MALRD1: variants seen among roughly 807,000 people sequenced by gnomAD.
MALRD1 encodes MAM and LDL-receptor class A domain-containing protein 1.
Under a neutral mutation model 242.1 loss-of-function variants are expected in MALRD1, and 247 were observed. That is an observed-to-expected ratio of 1.02 (90% CI 0.92 to 1.13). The LOEUF (loss-of-function observed/expected upper bound fraction) is 1.13, where lower values mean the gene tolerates loss of function less well. Among genes scored for constraint, MALRD1 ranks in the 50% most tolerant of loss-of-function variants. MALRD1 has a pLI of 0.00. For synonymous variants in MALRD1, 995 were observed against 866.6 expected (o/e 1.15, Z -2.60); for missense variants, 2,989 against 2,533.1 (o/e 1.18, Z -3.86).
At chr10:19,050,263 A>G (rs914393585) in intron 1 of MALRD1, among the ~76,000 whole-genome samples, 8 of 149,136 alleles carry the variant, frequency 5.4e-5, no homozygotes, top group African/African-American at 2.0e-4. Flanking sequence ...AATTTTTTGT[A>G]TTTTTAGTAG....
At chr10:19,158,424 C>T (rs1834258506) in intron 12 of MALRD1, among the ~76,000 whole-genome samples, 1 of 152,050 alleles carries the variant, frequency 6.6e-6, no homozygotes, top group South Asian at 2.1e-4. Flanking sequence ...AAGGTCAGGA[C>T]AAAGGTAGTT....
At chr10:19,583,665 G>T (rs1837242488) in intron 33 of MALRD1, among the ~76,000 whole-genome samples, 1 of 152,106 alleles carries the variant, frequency 6.6e-6, no homozygotes, top group Admixed American at 6.5e-5. Flanking sequence ...TGTTCATCAA[G>T]GGTATTGGTC....
intron 36 of MALRD1, among the ~76,000 whole-genome samples, chr10:19,678,260 A>G (rs1842218045): frequency 6.6e-6 from 1 of 152,170 alleles, no homozygotes; most frequent in South Asian, 2.1e-4. Flanking sequence ...TACTTTGCGC[A>G]GTATGGCCAT....
chr10:19,210,158 G>A (rs1836985121), intron 18 of MALRD1, among the ~76,000 whole-genome samples: 1 of 152,144 alleles, frequency 6.6e-6, no homozygotes, highest in East Asian at 1.9e-4. Context: ...TTACTCCTGG[G>A]GGAATATTCT....
intron 18 of MALRD1, among the ~76,000 whole-genome samples, chr10:19,227,878 A>G (rs11009019): frequency 6.6e-6 from 1 of 151,968 alleles, no homozygotes; most frequent in Non-Finnish European, 1.5e-5. Context: ...TTGACATTAC[A>G]TGTCATCAGG....
intron 7 of MALRD1, among the ~76,000 whole-genome samples, chr10:19,127,512 C>T (rs988095787): frequency 5.3e-5 from 8 of 152,078 alleles, no homozygotes; most frequent in East Asian, 1.9e-4. Flanking sequence ...ACATCAGAGA[C>T]GTGCAGCAGT....
In MALRD1 at chr10:19,444,263, A is replaced by G. The variant is rs187269913; in HGVS notation, c.4846-6044A>G. Among the ~76,000 whole-genome samples, 1,013 of 152,102 alleles carry G rather than the reference A, an allele frequency of 6.7e-3. 14 individuals carry two copies. The highest frequency in any genetic ancestry group is 0.024 in the Admixed American group (368 of 15,280). On this transcript the variant is annotated intron_variant, in intron 28 of 39. Coordinates refer to ENST00000454679, the MANE Select transcript of MALRD1 (RefSeq NM_001142308.3). ...CTGATGGGTCTTGACTCTTTATCCA[A>G]TTTGCCAGTCTGTGTCTTTTAATTG...
intron 28 of MALRD1, among the ~76,000 whole-genome samples, chr10:19,429,375 G>T (rs1049533668): frequency 6.6e-6 from 1 of 152,046 alleles, no homozygotes; most frequent in African/African-American, 2.4e-5. Flanking sequence ...TTTAAGACCA[G>T]CCTGGTGGTG....
intron 38 of MALRD1, among the ~76,000 whole-genome samples, chr10:19,724,611 G>C (rs151205480): frequency 6.6e-6 from 1 of 152,200 alleles, no homozygotes; most frequent in African/African-American, 2.4e-5. Context: ...CCCTGAAACT[G>C]TCCAACATTG....
intron 36 of MALRD1, among the ~76,000 whole-genome samples, chr10:19,658,494 C>A (rs1841278387): frequency 6.6e-6 from 1 of 151,152 alleles, no homozygotes; most frequent in African/African-American, 2.4e-5. Context: ...GAAAACACAC[C>A]ACACACACAC....
At chr10:19,314,188 C>T (rs991512149) in intron 21 of MALRD1, among the ~76,000 whole-genome samples, 1 of 151,470 alleles carries the variant, frequency 6.6e-6, no homozygotes, top group African/African-American at 2.4e-5. Context: ...GTATGTATAA[C>T]TTATAACTTA....
intron 11 of MALRD1, among the ~76,000 whole-genome samples, chr10:19,149,077 C>CATCTATCTATCTATCTATCTATCT (rs10657245): frequency 2.1e-5 from 3 of 143,920 alleles, no homozygotes; most frequent in Non-Finnish European, 4.5e-5. Flanking sequence ...TCTATCTGTC[C>CATCTATCTATCTATCTATCTATCT]ATCTATCTAT....
chr10:19,587,150 C>T (rs937054932), intron 33 of MALRD1, among the ~76,000 whole-genome samples: 16 of 152,300 alleles, frequency 1.1e-4, no homozygotes, highest in South Asian at 4.1e-4. Flanking sequence ...GAGATGAACC[C>T]GGTACCTCAG....
At chr10:19,301,505 A>G (rs998702922) in intron 21 of MALRD1, among the ~76,000 whole-genome samples, 33 of 151,928 alleles carry the variant, frequency 2.2e-4, no homozygotes, top group African/African-American at 8.0e-4. Context: ...AAATGTACAT[A>G]TATACAGCAT....
At position 19,133,964 on chromosome 10, in the gene MALRD1, A is replaced by T. The variant is rs1167310243; in HGVS notation, c.1203+16A>T. 4 of 1,193,644 alleles carry T rather than the reference A, an allele frequency of 3.4e-6. No homozygotes were observed. The highest frequency in any genetic ancestry group is 4.2e-5 in the Admixed American group (1 of 23,654). The allele number at this position is 1,193,644 out of a possible 1,614,324, so 73.9% of individuals were successfully genotyped here. On this transcript the variant is annotated intron_variant, in intron 9 of 39. Coordinates refer to ENST00000454679, the MANE Select transcript of MALRD1 (RefSeq NM_001142308.3). ...GACATTTAAGGTATGAAAGAAAAAA[A>T]AAAAGTATTTTTTTATCATGGTTTA...
At chr10:19,515,271 G>A (rs1833574349) in intron 31 of MALRD1, among the ~76,000 whole-genome samples, 1 of 151,974 alleles carries the variant, frequency 6.6e-6, no homozygotes, top group Non-Finnish European at 1.5e-5. Context: ...TAATTTACAG[G>A]GAACACTAGG....
At chr10:19,369,113 A>T (rs1322860745) in intron 26 of MALRD1, among the ~76,000 whole-genome samples, 1 of 145,216 alleles carries the variant, frequency 6.9e-6, no homozygotes, top group Non-Finnish European at 1.5e-5. Flanking sequence ...ATATTTATAT[A>T]TAACATTTAA....
chr10:19,082,550 C>A (rs907250133), intron 2 of MALRD1, among the ~76,000 whole-genome samples: 1 of 151,758 alleles, frequency 6.6e-6, no homozygotes, highest in Non-Finnish European at 1.5e-5. Flanking sequence ...GATTTAAAGT[C>A]TTTGTCTAAT....
intron 29 of MALRD1, among the ~76,000 whole-genome samples, chr10:19,467,470 C>G (rs1357639185): frequency 6.0e-5 from 9 of 150,108 alleles, no homozygotes. Flanking sequence ...TTATAGCTTA[C>G]CCATATTCTC....
Sources: allele counts gnomAD v4.1 joint callset (sites outside exome capture counted in the v4.1 genomes callset), GRCh38; gene constraint gnomAD v4.1.1; transcripts MANE v1.5; gene names NCBI Gene and HGNC (gene_info 2026-07-23, HGNC 2026-07-21).